TTC28: variants seen among roughly 807,000 people sequenced by gnomAD.
TTC28 encodes tetratricopeptide repeat protein 28.
TTC28 carries 61 observed loss-of-function variants against 198.0 expected under a neutral mutation model. That is an observed-to-expected ratio of 0.31 (90% CI 0.25 to 0.38). The LOEUF is 0.38. TTC28 is among the 10% of genes least tolerant of loss of function. The pLI is 1.00. For synonymous variants in TTC28, 1,171 were observed against 1,297.8 expected, an observed-to-expected ratio of 0.90 and a Z score of 2.10; for missense variants, 2,678 against 3,164.0, an observed-to-expected ratio of 0.85 and a Z score of 3.69.
intron 5 of TTC28, among the ~76,000 whole-genome samples, chr22:28,272,131 A>T (rs1185747440): frequency 6.6e-6 from 1 of 152,204 alleles, no homozygotes; most frequent in African/African-American, 2.4e-5. Flanking sequence ...AACAAAAGGG[A>T]TTAAAAAACA....
chr22:28,355,588 G>A (rs1300293250), intron 2 of TTC28, among the ~76,000 whole-genome samples: 4 of 152,142 alleles, frequency 2.6e-5, no homozygotes, highest in Non-Finnish European at 4.4e-5. Context: ...CAAAAATACA[G>A]TAAGTCTAAA....
chr22:28,663,320 C>T (rs1055187371), intron 1 of TTC28, among the ~76,000 whole-genome samples: 18 of 151,122 alleles, frequency 1.2e-4, no homozygotes, highest in South Asian at 2.1e-4. Context: ...GGAACAGCTC[C>T]GGTCTACAGC....
chr22:28,394,879 T>C (rs1315886321), intron 2 of TTC28, among the ~76,000 whole-genome samples: 4 of 152,128 alleles, frequency 2.6e-5, no homozygotes, highest in African/African-American at 9.7e-5. Flanking sequence ...CTCCTCAGAA[T>C]AGTCAGAAAC....
At position 28,321,821 on chromosome 22, in the gene TTC28, T is replaced by G. The variant is rs149944846; in HGVS notation, c.382-15178A>C. ...TTTAATTCTAAAATAGGTATCACGT[T>G]TGGGCCTTGGAAAACCCTGTAATAA... On this transcript the variant is annotated intron_variant, in intron 2 of 22. Transcript: ENST00000397906. 2.0e-5 allele frequency among the ~76,000 whole-genome samples: 3 copies of G among 152,282 alleles called. No individual in the cohort carries two copies. The East Asian group carries it at 5.8e-4, about 29-fold the overall frequency.
At chr22:28,134,697 G>A (rs534266760) in intron 6 of TTC28, among the ~76,000 whole-genome samples, 2 of 152,304 alleles carry the variant, frequency 1.3e-5, no homozygotes, top group African/African-American at 4.8e-5. Flanking sequence ...ATAGGACTAC[G>A]TGAAAAGACC....
intron 5 of TTC28, among the ~76,000 whole-genome samples, chr22:28,193,258 GC>G (rs1401227310): frequency 2.6e-5 from 4 of 152,146 alleles, no homozygotes; most frequent in African/African-American, 9.7e-5. Context: ...TCACCAGCAG[GC>G]CTGCCTTACA....
intron 1 of TTC28, among the ~76,000 whole-genome samples, chr22:28,659,626 G>C (rs756291059): frequency 1.3e-5 from 2 of 152,134 alleles, no homozygotes; most frequent in South Asian, 4.2e-4. Flanking sequence ...GCCTGGTGTG[G>C]TGGCTCATGC....
rs77220467 is a variant in TTC28, at chr22:28,384,918, G to A, written c.382-78275C>T. Among the ~76,000 whole-genome samples, 54 of 151,894 alleles carry A rather than the reference G, an allele frequency of 3.6e-4. No homozygotes were observed. The East Asian group carries it at 7.2e-3, about 20-fold the overall frequency. On this transcript the variant is annotated intron_variant, in intron 2 of 22. Transcript: ENST00000397906. Reference sequence around the variant, plus strand: ...CACTTTGGGAGGCCGGGGACGGGGGGGATCATCTGAGGTCAGGAGTTTGAG... The same window carrying A: ...CACTTTGGGAGGCCGGGGACGGGGGAGATCATCTGAGGTCAGGAGTTTGAG...
At chr22:28,587,551 G>A (rs1376194896) in intron 2 of TTC28, among the ~76,000 whole-genome samples, 1 of 151,546 alleles carries the variant, frequency 6.6e-6, no homozygotes, top group Non-Finnish European at 1.5e-5. Context: ...ACCCAGGCTG[G>A]AGTACACAAT....
In TTC28 at chr22:28,049,501, G is replaced by A. The variant is rs146169032; in HGVS notation, c.3933-19135C>T. On this transcript the variant is annotated intron_variant, in intron 12 of 22. Transcript: ENST00000397906. The stretch of plus-strand genomic sequence containing the variant: ...TTTTAAATTTTATTTTAGCAGGGGT[G>A]GTTTGGGGTCAGGTTTCTGGAGCAG... Among the ~76,000 whole-genome samples, 10 of 152,220 alleles carry A rather than the reference G, an allele frequency of 6.6e-5. No individual in the cohort carries two copies. In the East Asian group the frequency reaches 1.9e-3, roughly 29 times the overall value.
intron 6 of TTC28, among the ~76,000 whole-genome samples, chr22:28,153,479 C>A (rs571703713): frequency 7.0e-6 from 1 of 142,092 alleles, no homozygotes. Context: ...TTTTCTCATA[C>A]GTAAAATCAA....
intron 12 of TTC28, among the ~76,000 whole-genome samples, chr22:28,041,773 A>G (rs1430412843): frequency 6.6e-6 from 1 of 152,214 alleles, no homozygotes; most frequent in Non-Finnish European, 1.5e-5. Context: ...CAGCAAAAGA[A>G]ACTATCATCA....
At chr22:28,159,834 C>T (rs1259612442) in intron 6 of TTC28, among the ~76,000 whole-genome samples, 4 of 152,100 alleles carry the variant, frequency 2.6e-5, no homozygotes, top group African/African-American at 7.2e-5. Flanking sequence ...AACAGATGAA[C>T]AGATAAAGAA....
chr22:28,428,147 C>T (rs932591843), intron 2 of TTC28, among the ~76,000 whole-genome samples: 17 of 149,332 alleles, frequency 1.1e-4, no homozygotes, highest in Non-Finnish European at 2.2e-4. Flanking sequence ...AAAGAGGTAG[C>T]ACTCATTTTA....
Position 28,028,804 on chromosome 22 carries a change from C to T in TTC28, c.4073+1422G>A, listed in dbSNP as rs539846977. On this transcript the variant is annotated intron_variant, in intron 13 of 22. Transcript: ENST00000397906. ...GTTCAGTGCCTTCCACACATTAAGT[C>T]GGTCAGTGTGTTATTTATACATTGG... 81 of 345,134 alleles carry T rather than the reference C, an allele frequency of 2.3e-4. 3 individuals carry two copies. The highest frequency in any genetic ancestry group is 2.1e-3 in the Middle Eastern group (2 of 950). The allele number at this position is 345,134 out of a possible 1,614,324, so 21.4% of individuals were successfully genotyped here. A position where few individuals can be genotyped will look rare whatever the true frequency, so the allele number is the denominator to read the frequency against.
chr22:28,312,713 T>C (rs1309302849), intron 2 of TTC28, among the ~76,000 whole-genome samples: 1 of 152,112 alleles, frequency 6.6e-6, no homozygotes, highest in African/African-American at 2.4e-5. Context: ...TTTAAAGCAG[T>C]GTGTAGAGGG....
intron 13 of TTC28, among the ~76,000 whole-genome samples, chr22:28,021,065 C>T (rs1413336860): frequency 1.3e-5 from 2 of 152,230 alleles, no homozygotes; most frequent in Non-Finnish European, 2.9e-5. Flanking sequence ...AAGAACACAG[C>T]ACTGCCTCCT....
chr22:28,059,586 T>C (rs1192430097), intron 12 of TTC28, among the ~76,000 whole-genome samples: 2 of 152,074 alleles, frequency 1.3e-5, no homozygotes, highest in African/African-American at 4.8e-5. Flanking sequence ...GCTTGTATTT[T>C]TTCTAATTAT....
At chr22:28,167,850 G>A (rs1601418082) in intron 5 of TTC28, among the ~76,000 whole-genome samples, 1 of 152,148 alleles carries the variant, frequency 6.6e-6, no homozygotes, top group Admixed American at 6.5e-5. Flanking sequence ...GAAATAAAGG[G>A]TATTCAATTA....
Sources: gnomAD v4.1 joint callset for allele counts (sites outside exome capture counted in the v4.1 genomes callset) on GRCh38, gnomAD v4.1.1 for gene constraint, MANE v1.5 for transcripts, NCBI Gene and HGNC (gene_info 2026-07-23, HGNC 2026-07-21) for gene names.